Variants in LRMDA observed in about 807,000 individuals in gnomAD.
LRMDA encodes leucine-rich melanocyte differentiation-associated protein.
A neutral mutation model predicts 29.8 loss-of-function variants in LRMDA; 18 were observed. The observed-to-expected ratio is 0.60, with a 90% CI of 0.42 to 0.90. LRMDA has a LOEUF of 0.90. Among genes scored for constraint, LRMDA ranks in the 40% least tolerant of loss-of-function variants. The probability of loss-of-function intolerance (pLI) is 0.00; values close to 1 mark genes in which losing one functional copy is unlikely to be tolerated. For synonymous variants in LRMDA, 125 were observed against 109.4 expected, an observed-to-expected ratio of 1.14 and a Z score of -0.89; for missense variants, 273 against 273.9, an observed-to-expected ratio of 1.00 and a Z score of 0.02.
intron 5 of LRMDA, among the ~76,000 whole-genome samples, chr10:76,315,487 G>A (rs1840681834): frequency 6.6e-6 from 1 of 152,232 alleles, no homozygotes; most frequent in Non-Finnish European, 1.5e-5. Flanking sequence ...GAGCAAAGTT[G>A]TGGCCAAGCC....
intron 6 of LRMDA, among the ~76,000 whole-genome samples, chr10:76,352,195 G>T (rs1841185226): frequency 6.6e-6 from 1 of 152,152 alleles, no homozygotes; most frequent in Non-Finnish European, 1.5e-5. Flanking sequence ...CCCAGTGGAT[G>T]CCTGAAACCA....
intron 5 of LRMDA, among the ~76,000 whole-genome samples, chr10:76,074,457 G>A (rs1006381353): frequency 6.6e-6 from 1 of 151,994 alleles, no homozygotes; most frequent in Admixed American, 6.6e-5. Flanking sequence ...TATCAAAGGG[G>A]GATATTTGAG....
At chr10:75,509,488 C>G (rs996757195) in intron 2 of LRMDA, among the ~76,000 whole-genome samples, 54 of 152,046 alleles carry the variant, frequency 3.6e-4, no homozygotes, top group African/African-American at 1.3e-3. Context: ...CTGTGGCTCT[C>G]TGAGAGTTAC....
chr10:75,467,621 C>T (rs1446769187), intron 2 of LRMDA, among the ~76,000 whole-genome samples: 1 of 152,072 alleles, frequency 6.6e-6, no homozygotes, highest in Non-Finnish European at 1.5e-5. Flanking sequence ...AGACCCCATG[C>T]TTGTGTGTGG....
chr10:76,335,897 T>G (rs1296817100), intron 6 of LRMDA, among the ~76,000 whole-genome samples: 1 of 152,158 alleles, frequency 6.6e-6, no homozygotes, highest in Non-Finnish European at 1.5e-5. Flanking sequence ...TTTCCTGAAT[T>G]CCAACAGGGA....
chr10:76,468,337 G>A (rs556663082), intron 6 of LRMDA, among the ~76,000 whole-genome samples: 14 of 152,216 alleles, frequency 9.2e-5, no homozygotes, highest in Admixed American at 7.8e-4. Context: ...TCTTTTATTC[G>A]AGAGAGCAAG....
At chr10:75,566,822 CCTT>C (rs2132067101) in intron 2 of LRMDA, among the ~76,000 whole-genome samples, 1 of 152,280 alleles carries the variant, frequency 6.6e-6, no homozygotes, top group South Asian at 2.1e-4. Flanking sequence ...CATTGGCTGT[CCTT>C]CTGGAACCTC....
At chr10:76,207,389 A>G (rs1221890795) in intron 5 of LRMDA, among the ~76,000 whole-genome samples, 2 of 152,134 alleles carry the variant, frequency 1.3e-5, no homozygotes, top group African/African-American at 4.8e-5. Context: ...CAGGGATCCT[A>G]CGTCTGTGAA....
intron 6 of LRMDA, among the ~76,000 whole-genome samples, chr10:76,327,452 G>C (rs1840850208): frequency 6.6e-6 from 1 of 152,232 alleles, no homozygotes; most frequent in Non-Finnish European, 1.5e-5. Flanking sequence ...ACATATCACA[G>C]CTCCAAAGGA....
intron 2 of LRMDA, among the ~76,000 whole-genome samples, chr10:75,516,939 C>T (rs1401069557): frequency 1.3e-5 from 2 of 152,072 alleles, no homozygotes; most frequent in Non-Finnish European, 2.9e-5. Context: ...TTTCCCAGCA[C>T]CATTTATGAA....
At chr10:75,944,227 A>G (rs1846441253) in intron 2 of LRMDA, among the ~76,000 whole-genome samples, 1 of 152,204 alleles carries the variant, frequency 6.6e-6, no homozygotes, top group Admixed American at 6.5e-5. Flanking sequence ...TACAGAGGCC[A>G]TTCCATCATC....
chr10:75,562,353 C>T (rs9415108), intron 2 of LRMDA, among the ~76,000 whole-genome samples: 1 of 151,604 alleles, frequency 6.6e-6, no homozygotes, highest in South Asian at 2.1e-4. Context: ...AGGACTGCAA[C>T]CCCTGCCTTT....
chr10:76,211,056 T>C (rs1381803031), intron 5 of LRMDA, among the ~76,000 whole-genome samples: 1 of 152,214 alleles, frequency 6.6e-6, no homozygotes, highest in African/African-American at 2.4e-5. Context: ...ACTTCACCTG[T>C]CTTGTCCTTT....
rs145686379 is a variant in LRMDA, at chr10:76,241,734, G to C, written c.517-82667G>C. Among the ~76,000 whole-genome samples the C allele has an allele frequency of 3.2e-3, 494 of 152,244 alleles. 1 individual carries two copies. Among genetic ancestry groups the C allele is most frequent in the African/African-American group, 0.011 (441 of 41,562 alleles). Reference sequence around the variant, plus strand: ...GGGGAATGCCCTGGTGAATAACACTGCCTGACCCCCATCCTCACCAGGCTT... The same window carrying C: ...GGGGAATGCCCTGGTGAATAACACTCCCTGACCCCCATCCTCACCAGGCTT... On this transcript the variant is annotated intron_variant, in intron 5 of 6. Transcript: ENST00000611255.
intron 2 of LRMDA, among the ~76,000 whole-genome samples, chr10:75,874,418 A>G (rs1845162474): frequency 6.6e-6 from 1 of 152,230 alleles, no homozygotes; most frequent in Non-Finnish European, 1.5e-5. Flanking sequence ...ACTACATGGG[A>G]TAAAATTTTA....
intron 2 of LRMDA, among the ~76,000 whole-genome samples, chr10:75,718,378 G>T (rs534306019): frequency 6.6e-5 from 10 of 152,296 alleles, no homozygotes; most frequent in African/African-American, 2.2e-4. Context: ...GAGGAAATAT[G>T]TGAGGCCTCA....
intron 2 of LRMDA, among the ~76,000 whole-genome samples, chr10:75,721,371 G>T (rs1438482437): frequency 2.0e-5 from 3 of 152,204 alleles, no homozygotes; most frequent in Admixed American, 2.0e-4. Context: ...CATAATGTAT[G>T]TGTAATTTCT....
intron 6 of LRMDA, among the ~76,000 whole-genome samples, chr10:76,382,241 C>T (rs1841601767): frequency 6.6e-6 from 1 of 152,194 alleles, no homozygotes; most frequent in South Asian, 2.1e-4. Context: ...GGGGTTTGGC[C>T]TTGACATACT....
At chr10:76,030,408 C>A (rs11001593) in intron 2 of LRMDA, among the ~76,000 whole-genome samples, 7 of 151,806 alleles carry the variant, frequency 4.6e-5, no homozygotes, top group Non-Finnish European at 7.4e-5. Flanking sequence ...TATAGAGTTA[C>A]GTATCTATGT....
Sources: allele counts gnomAD v4.1 joint callset (sites outside exome capture counted in the v4.1 genomes callset), GRCh38; gene constraint gnomAD v4.1.1; transcripts MANE v1.5; gene names NCBI Gene and HGNC (gene_info 2026-07-23, HGNC 2026-07-21).